The following ST6GALNAC3 variants were observed in gnomAD, a reference collection of about 807,000 sequenced individuals.
ST6GALNAC3 encodes alpha-N-acetylgalactosaminide alpha-2,6-sialyltransferase 3.
In ST6GALNAC3, 25 loss-of-function variants were observed where a neutral mutation model predicts 32.7. That is an observed-to-expected ratio of 0.76 (90% CI 0.56 to 1.07). The LOEUF (loss-of-function observed/expected upper bound fraction) is 1.07, where lower values mean the gene tolerates loss of function less well. Ranked by LOEUF, ST6GALNAC3 falls within the 50% of genes least tolerant of loss-of-function variation. The pLI is 0.00. For synonymous variants in ST6GALNAC3, 129 were observed against 133.1 expected, an observed-to-expected ratio of 0.97 and a Z score of 0.21; for missense variants, 355 against 382.4, an observed-to-expected ratio of 0.93 and a Z score of 0.60.
chr1:76,153,138 T>C (rs1651158844), intron 1 of ST6GALNAC3, among the ~76,000 whole-genome samples: 1 of 152,216 alleles, frequency 6.6e-6, no homozygotes, highest in African/African-American at 2.4e-5. Context: ...GTAATGGATA[T>C]GTCATGCTTT....
At chr1:76,437,633 A>G (rs1194085754) in intron 3 of ST6GALNAC3, among the ~76,000 whole-genome samples, 1 of 146,124 alleles carries the variant, frequency 6.8e-6, no homozygotes, top group Non-Finnish European at 1.5e-5. Flanking sequence ...GCTGGAGTGC[A>G]GTGACATGAT....
At chr1:76,343,871 TAACAGAGGAA>T (rs1475160524) in intron 2 of ST6GALNAC3, among the ~76,000 whole-genome samples, 4 of 152,204 alleles carry the variant, frequency 2.6e-5, no homozygotes, top group Non-Finnish European at 5.9e-5. Context: ...AAAAAAGTTT[TAACAGAGGAA>T]TTATGGCAAC....
In ST6GALNAC3 at chr1:76,630,295, A is replaced by C; in HGVS notation, c.*1489A>C. 1.0e-6 allele frequency: 1 copy of C among 985,244 alleles called. No homozygotes were observed. The highest frequency in any genetic ancestry group is 1.2e-6 in the Non-Finnish European group (1 of 829,832). The allele number at this position is 985,244 out of a possible 1,614,324, so 61.0% of individuals were successfully genotyped here. Reference sequence around the variant, plus strand: ...CATATGCTAGGGCCCCTGTGAAAATAAGTAGTTTTGAGAAGTTTTTCTATA... The same window carrying C: ...CATATGCTAGGGCCCCTGTGAAAATCAGTAGTTTTGAGAAGTTTTTCTATA... On this transcript the variant is annotated 3_prime_UTR_variant, in exon 5 of 5. Coordinates refer to ENST00000328299, the MANE Select transcript of ST6GALNAC3 (RefSeq NM_152996.4).
At chr1:76,186,127 C>T (rs1408922445) in intron 1 of ST6GALNAC3, among the ~76,000 whole-genome samples, 4 of 152,160 alleles carry the variant, frequency 2.6e-5, no homozygotes, top group African/African-American at 9.7e-5. Context: ...GAATTTAGCT[C>T]AGCTCTTCAC....
chr1:76,494,029 T>C (rs767161120), intron 3 of ST6GALNAC3, among the ~76,000 whole-genome samples: 2 of 152,160 alleles, frequency 1.3e-5, no homozygotes, highest in Non-Finnish European at 2.9e-5. Flanking sequence ...TCTACAACTC[T>C]ATGAAGTTTT....
At position 76,385,424 on chromosome 1, in the gene ST6GALNAC3, A is replaced by G. The variant is rs1320568858; in HGVS notation, c.214-26584A>G. Among the ~76,000 whole-genome samples, 6 of 152,252 alleles carry G rather than the reference A, an allele frequency of 3.9e-5. No homozygotes were observed. The South Asian group carries it at 6.2e-4, about 16-fold the overall frequency. ...AGTGGTTAAGGACACAACTCTAGAG[A>G]GAGACTGAGGTTAAATCCCAGTTCA... On this transcript the variant is annotated intron_variant, in intron 2 of 4. Coordinates refer to ENST00000328299, the MANE Select transcript of ST6GALNAC3 (RefSeq NM_152996.4).
At chr1:76,411,694 A>G (rs1055083171) in intron 2 of ST6GALNAC3, among the ~76,000 whole-genome samples, 1 of 152,160 alleles carries the variant, frequency 6.6e-6, no homozygotes, top group Non-Finnish European at 1.5e-5. Context: ...ACCTGAAATT[A>G]CAGTTCTGAA....
intron 1 of ST6GALNAC3, among the ~76,000 whole-genome samples, chr1:76,258,112 C>G (rs529223727): frequency 6.6e-6 from 1 of 152,326 alleles, no homozygotes; most frequent in Non-Finnish European, 1.5e-5. Context: ...AATACTCTAA[C>G]AGATATGTTC....
intron 3 of ST6GALNAC3, among the ~76,000 whole-genome samples, chr1:76,414,348 C>A (rs1425192920): frequency 6.6e-6 from 1 of 152,058 alleles, no homozygotes; most frequent in Non-Finnish European, 1.5e-5. Flanking sequence ...TCACTTAGTA[C>A]TCCAACCAGA....
chr1:76,420,376 C>A (rs994649875), intron 3 of ST6GALNAC3, among the ~76,000 whole-genome samples: 1 of 151,986 alleles, frequency 6.6e-6, no homozygotes, highest in Non-Finnish European at 1.5e-5. Flanking sequence ...CTGCCCTATT[C>A]CTTAGCAAAT....
At chr1:76,636,802 T>C (rs534286604), downstream of ST6GALNAC3, 26 of 152,342 alleles carry the variant, frequency 1.7e-4, no homozygotes, top group African/African-American at 6.0e-4. Context: ...TAAATTTTCT[T>C]AGTTTGTCCA....
chr1:76,139,208 A>AT (rs1465625803), intron 1 of ST6GALNAC3, among the ~76,000 whole-genome samples: 167 of 151,964 alleles, frequency 1.1e-3, no homozygotes, highest in African/African-American at 3.8e-3. Flanking sequence ...GAAAAAAAAA[A>AT]AAAAAATCTA....
chr1:76,601,001 G>A (rs1047083231), intron 3 of ST6GALNAC3, among the ~76,000 whole-genome samples: 1 of 152,062 alleles, frequency 6.6e-6, no homozygotes, highest in Non-Finnish European at 1.5e-5. Context: ...GGGCAACATG[G>A]TGAGGTAAGA....
In ST6GALNAC3 at chr1:76,412,274, T is replaced by C. The variant is rs1173170575; in HGVS notation, c.480T>C (p.Asn160=). The C allele has an allele frequency of 3.1e-6, 5 of 1,613,718 alleles. No homozygotes were observed. Among genetic ancestry groups the C allele is most frequent in the Non-Finnish European group, 4.2e-6 (5 of 1,179,794 alleles). ...TIYVIWGPFR[N]MRKDGNGIVY... ...ATGTTATTTGGGGACCTTTCCGCAATATGAGGAAAGATGGCAATGGCATCG... is the reference window on the plus strand; with the variant it reads ...ATGTTATTTGGGGACCTTTCCGCAACATGAGGAAAGATGGCAATGGCATCG... Residue 160 remains asparagine, a synonymous_variant, in exon 3 of 5, where the codon AAT becomes AAC. Transcript: ENST00000328299.
chr1:76,245,555 A>G (rs148579003), intron 1 of ST6GALNAC3, among the ~76,000 whole-genome samples: 2 of 152,116 alleles, frequency 1.3e-5, no homozygotes, highest in African/African-American at 2.4e-5. Flanking sequence ...CAGCTTTCCA[A>G]TGTGGGCATT....
At chr1:76,400,935 C>G (rs1464572374) in intron 2 of ST6GALNAC3, among the ~76,000 whole-genome samples, 4 of 151,790 alleles carry the variant, frequency 2.6e-5, no homozygotes, top group African/African-American at 9.7e-5. Context: ...ACTTAAAACA[C>G]TTCTAATTTT....
At chr1:76,404,354 A>G (rs74353796) in intron 2 of ST6GALNAC3, among the ~76,000 whole-genome samples, 376 of 152,248 alleles carry the variant, frequency 2.5e-3, no homozygotes, top group African/African-American at 8.9e-3. Flanking sequence ...ATTTCTCTGC[A>G]GAACAGTCTT....
At chr1:76,123,580 A>G (rs1296899695) in intron 1 of ST6GALNAC3, among the ~76,000 whole-genome samples, 5 of 151,954 alleles carry the variant, frequency 3.3e-5, no homozygotes, top group Non-Finnish European at 5.9e-5. Context: ...TTGGTCAGGA[A>G]TAGCTGGCAG....
chr1:76,555,099 T>C (rs923638246), intron 3 of ST6GALNAC3, among the ~76,000 whole-genome samples: 2 of 152,052 alleles, frequency 1.3e-5, no homozygotes, highest in Non-Finnish European at 2.9e-5. Context: ...AAATAAAAAC[T>C]CCCTTGAATA....
Sources: allele counts gnomAD v4.1 joint callset (sites outside exome capture counted in the v4.1 genomes callset), GRCh38; gene constraint gnomAD v4.1.1; transcripts MANE v1.5; gene names NCBI Gene and HGNC (gene_info 2026-07-23, HGNC 2026-07-21).